Variants in CPS1 observed in about 807,000 individuals in gnomAD.
The protein encoded by CPS1 is carbamoyl-phosphate synthase [ammonia], mitochondrial.
In CPS1, 109 loss-of-function variants were observed where a neutral mutation model predicts 174.6. The observed-to-expected ratio is 0.62, with a 90% CI of 0.53 to 0.73. CPS1 has a LOEUF of 0.73. CPS1 is among the 30% of genes least tolerant of loss of function. CPS1 has a pLI of 0.00. For synonymous variants in CPS1, 637 were observed against 632.0 expected, an observed-to-expected ratio of 1.01 and a Z score of -0.12; for missense variants, 1,689 against 1,821.9, an observed-to-expected ratio of 0.93 and a Z score of 1.33.
intron 1 of CPS1, among the ~76,000 whole-genome samples, chr2:210,488,678 A>C (rs72932437): frequency 0.2 from 31,135 of 152,120 alleles, 3,723 homozygotes; most frequent in Middle Eastern, 0.34. Flanking sequence ...TACAAATTCC[A>C]CCTATCTTTT....
chr2:210,571,169 C>CT (rs1697466518), intron 1 of CPS1, among the ~76,000 whole-genome samples: 1 of 151,774 alleles, frequency 6.6e-6, no homozygotes, highest in South Asian at 2.1e-4. Flanking sequence ...TTGTGGTTTC[C>CT]TTTGTGCTGA....
chr2:210,610,848 TAATTG>T (rs1461776621), intron 19 of CPS1, among the ~76,000 whole-genome samples: 4 of 151,786 alleles, frequency 2.6e-5, no homozygotes, highest in African/African-American at 7.3e-5. Flanking sequence ...GTTTTTTTTT[TAATTG>T]AATGGATCCC....
intron 34 of CPS1, 145 bp from the exon 35 acceptor site, chr2:210,674,757 T>C: frequency 1.4e-6 from 1 of 717,216 alleles, no homozygotes; most frequent in South Asian, 1.5e-5. Context: ...CATAGAAGGA[T>C]AAAAGGATAA....
At chr2:210,537,026 A>G (rs1312117175) in intron 1 of CPS1, among the ~76,000 whole-genome samples, 3 of 152,228 alleles carry the variant, frequency 2.0e-5, no homozygotes, top group Non-Finnish European at 4.4e-5. Context: ...AAAAAGATAT[A>G]AAGTCCACCA....
At chr2:210,654,646 A>C (rs1235112961) in intron 29 of CPS1, among the ~76,000 whole-genome samples, 1 of 152,216 alleles carries the variant, frequency 6.6e-6, no homozygotes, top group Non-Finnish European at 1.5e-5. Context: ...TGAAAATGTG[A>C]AGAATATTTT....
intron 6 of CPS1, among the ~76,000 whole-genome samples, chr2:210,583,733 T>G (rs1382629010): frequency 6.6e-6 from 1 of 152,124 alleles, no homozygotes; most frequent in African/African-American, 2.4e-5. Context: ...ATGGACTGAC[T>G]GAAGCTAGGT....
At position 210,497,893 on chromosome 2, in the gene CPS1, C is replaced by CATATATATATATATATATATATATAT. The variant is rs59178446; in HGVS notation, c.3+20128_3+20153dup. 3.6e-3 allele frequency among the ~76,000 whole-genome samples: 309 copies of CATATATATATATATATATATATATAT among 86,794 alleles called. 16 individuals carry two copies. The highest frequency in any genetic ancestry group is 6.8e-3 in the South Asian group (14 of 2,060). 56.9% of individuals were successfully genotyped at this position (86,794 alleles called of 152,430 possible). A position where few individuals can be genotyped will look rare whatever the true frequency, so the allele number is the denominator to read the frequency against. ...TTTTTGGTAGAACAATATATACATACATATATATATATATATATATATATA... is the reference window on the plus strand; with the variant it reads ...TTTTTGGTAGAACAATATATACATACATATATATATATATATATATATATATATATATATATATATATATATATATA... On this transcript the variant is annotated intron_variant, in intron 1 of 38. Coordinates refer to the CPS1 transcript ENST00000430249.
At chr2:210,660,445 C>T (rs776507099) in intron 31 of CPS1, 40 bp from the exon 32 acceptor site, 5 of 1,593,810 alleles carry the variant, frequency 3.1e-6, no homozygotes, top group South Asian at 1.1e-5. Flanking sequence ...GTTACTGGCT[C>T]TCAATGTCCT....
intron 1 of CPS1, among the ~76,000 whole-genome samples, chr2:210,547,054 G>C (rs12475210): frequency 1.3e-5 from 2 of 151,850 alleles, no homozygotes; most frequent in African/African-American, 4.8e-5. Context: ...TGGACTTTCA[G>C]TGTTGAAGAG....
rs1201208504 is a variant in CPS1, at chr2:210,576,628, C to G, written c.381+138C>G. The G allele has an allele frequency of 6.4e-6, 6 of 938,966 alleles. No homozygotes were observed. The East Asian group carries it at 1.5e-4, about 24-fold the overall frequency. 58.2% of individuals were successfully genotyped at this position (938,966 alleles called of 1,614,324 possible). A position where few individuals can be genotyped will look rare whatever the true frequency, so the allele number is the denominator to read the frequency against. On this transcript the variant is annotated intron_variant, in intron 3 of 37. Coordinates refer to ENST00000233072, the MANE Select transcript of CPS1 (RefSeq NM_001875.5). ...TAAGCTCATGTATTCAATCTTATTC[C>G]TAGGTACATGAGAATAATCTTTAAC...
At position 210,608,424 on chromosome 2, in the gene CPS1, C is replaced by A. The variant is rs770788292; in HGVS notation, c.2256C>A (p.Asn752Lys). ...ALGIPLPEIK[N>K]VVSGKTSACF... ...GAATCCCACTTCCAGAAATTAAGAA[C>A]GTCGTATCCGGGAAGACATCAGCCT... is the stretch of plus-strand genomic sequence containing the variant. Residue 752 changes from asparagine (N) to lysine (K), a missense_variant, in exon 19 of 38, where the codon AAC becomes AAA. Coordinates refer to ENST00000233072, the MANE Select transcript of CPS1 (RefSeq NM_001875.5). 5.0e-6 allele frequency: 8 copies of A among 1,612,396 alleles called. No homozygotes were observed. Among genetic ancestry groups the A allele is most frequent in the East Asian group, 2.2e-5 (1 of 44,802 alleles).
intron 1 of CPS1, among the ~76,000 whole-genome samples, chr2:210,565,937 T>C (rs1247135397): frequency 6.6e-6 from 1 of 152,188 alleles, no homozygotes; most frequent in Non-Finnish European, 1.5e-5. Flanking sequence ...TCAGCATCTG[T>C]GAAGCTTCAG....
intron 33 of CPS1, 85 bp downstream of exon 33, chr2:210,663,282 G>A (rs1700985377): frequency 3.8e-6 from 5 of 1,317,664 alleles, no homozygotes; most frequent in Non-Finnish European, 5.4e-6. Context: ...TAAAATAAAG[G>A]GAATAAAAAC....
intron 21 of CPS1, among the ~76,000 whole-genome samples, chr2:210,634,401 G>T (rs910586097): frequency 1.3e-5 from 2 of 152,176 alleles, no homozygotes; most frequent in Non-Finnish European, 2.9e-5. Flanking sequence ...CTGCACTTCA[G>T]CCTGGGCGAC....
At chr2:210,645,714 C>T (rs1320079832) in intron 25 of CPS1, among the ~76,000 whole-genome samples, 2 of 152,068 alleles carry the variant, frequency 1.3e-5, no homozygotes, top group East Asian at 1.9e-4. Context: ...ACCTGGGAGG[C>T]GGAGATTGCA....
chr2:210,510,566 G>A (rs1381381465), intron 1 of CPS1, among the ~76,000 whole-genome samples: 1 of 152,186 alleles, frequency 6.6e-6, no homozygotes, highest in Non-Finnish European at 1.5e-5. Context: ...CTTCTGCACA[G>A]CAAAAGAAAC....
chr2:210,486,192 C>T (rs1225025916), intron 1 of CPS1, among the ~76,000 whole-genome samples: 1 of 149,698 alleles, frequency 6.7e-6, no homozygotes, highest in Non-Finnish European at 1.5e-5. Context: ...TGTGTTTGTT[C>T]AAATCTTTAG....
At chr2:210,658,245 A>T (rs753405407) in intron 30 of CPS1, 26 of 329,186 alleles carry the variant, frequency 7.9e-5, no homozygotes, top group Non-Finnish European at 1.4e-4. Context: ...CATTACATTG[A>T]TATAGAGGTT....
Position 210,675,781 on chromosome 2 carries a change from C to A in CPS1, c.4215C>A (p.Ala1405=). Residue 1405 remains alanine (A), a synonymous_variant, in exon 36 of 38, where the codon GCC becomes GCA. Coordinates refer to ENST00000233072, the MANE Select transcript of CPS1 (RefSeq NM_001875.5). Reference sequence around the variant, plus strand: ...GGCTCAACGCCAACAATGTCCCTGCCACCCCAGTGGCATGGCCGTCTCAAG... The same window carrying A: ...GGCTCAACGCCAACAATGTCCCTGCAACCCCAGTGGCATGGCCGTCTCAAG... ...SDWLNANNVP[A]TPVAWPSQEG... is the part of the protein sequence containing the mutation. The A allele has an allele frequency of 6.2e-7, 1 of 1,610,978 alleles. No homozygotes were observed. Among genetic ancestry groups the A allele is most frequent in the Admixed American group, 1.7e-5 (1 of 60,004 alleles).
Sources: allele counts gnomAD v4.1 joint callset (sites outside exome capture counted in the v4.1 genomes callset), GRCh38; gene constraint gnomAD v4.1.1; transcripts MANE v1.5; gene names NCBI Gene and HGNC (gene_info 2026-07-23, HGNC 2026-07-21).